The following FAM193A variants were observed in gnomAD, a reference collection of about 807,000 sequenced individuals.
FAM193A encodes family with sequence similarity 193 member A.
FAM193A carries 22 observed loss-of-function variants against 126.5 expected under a neutral mutation model. That is an observed-to-expected ratio of 0.17 (90% CI 0.12 to 0.25). FAM193A has a LOEUF of 0.25. Ranked by LOEUF, FAM193A falls within the 10% of genes least tolerant of loss-of-function variation. FAM193A has a pLI of 1.00. For synonymous variants in FAM193A, 761 were observed against 646.8 expected (o/e 1.18, Z -2.68); for missense variants, 1,675 against 1,672.8 (o/e 1.00, Z -0.02).
At chr4:2,717,955 T>G (rs1719726226) in intron 20 of FAM193A, among the ~76,000 whole-genome samples, 1 of 152,098 alleles carries the variant, frequency 6.6e-6, no homozygotes, top group South Asian at 2.1e-4. Flanking sequence ...ACGCCCAGAC[T>G]GTCAAAATTT....
chr4:2,587,962 G>A (rs1033071332), intron 1 of FAM193A, among the ~76,000 whole-genome samples: 2 of 152,206 alleles, frequency 1.3e-5, no homozygotes, highest in East Asian at 3.9e-4. Flanking sequence ...GGTGGGGTCT[G>A]GTTGTGAAGA....
intron 1 of FAM193A, among the ~76,000 whole-genome samples, chr4:2,575,253 G>A (rs564420415): frequency 1.3e-5 from 2 of 152,308 alleles, no homozygotes; most frequent in African/African-American, 4.8e-5. Context: ...CCAGGTGGCC[G>A]TGGCAGCATG....
intron 1 of FAM193A, among the ~76,000 whole-genome samples, chr4:2,541,872 C>A (rs1737254487): frequency 6.6e-6 from 1 of 151,992 alleles, no homozygotes. Flanking sequence ...GCTCTGTCGC[C>A]CAGGCTGGAG....
chr4:2,567,814 C>T (rs1428558741), intron 1 of FAM193A, among the ~76,000 whole-genome samples: 1 of 152,168 alleles, frequency 6.6e-6, no homozygotes, highest in East Asian at 1.9e-4. Context: ...CCAGGTGTCC[C>T]TGCCGATGAA....
intron 12 of FAM193A, among the ~76,000 whole-genome samples, chr4:2,671,744 G>A (rs61791163): frequency 2.6e-5 from 4 of 152,210 alleles, no homozygotes; most frequent in African/African-American, 4.8e-5. Flanking sequence ...ATCCATGTGT[G>A]ACTACTTAGA....
At position 2,663,200 on chromosome 4, in the gene FAM193A, C is replaced by A. The variant is rs200929388; in HGVS notation, c.1991C>A (p.Pro664Gln). 1.3e-4 allele frequency: 215 copies of A among 1,614,122 alleles called. 1 individual carries two copies. The South Asian group carries it at 1.6e-3, about 12-fold the overall frequency. The change falls in exon 12 of 21, where the codon CCG (proline) becomes CAG (glutamine). Residue 664 changes from proline (P) to glutamine (Q), a missense_variant. Physicochemically the swap from Pro to Gln is moderately conservative, Grantham distance 76 (BLOSUM62 -1). Coordinates refer to ENST00000637812, the MANE Select transcript of FAM193A (RefSeq NM_001366318.2). Reference sequence around the variant, plus strand: ...AGTAGTGGGGAGCCCCCAGGGGCCCCGAAGGAAGATGGAGTGCTGGGAAGC... The same window carrying A: ...AGTAGTGGGGAGCCCCCAGGGGCCCAGAAGGAAGATGGAGTGCTGGGAAGC... Reference protein sequence around the residue: ...GESSGEPPGAPKEDGVLGSRS... With the variant: ...GESSGEPPGAQKEDGVLGSRS...
At chr4:2,645,617 C>G (rs749206710) in intron 6 of FAM193A, among the ~76,000 whole-genome samples, 6 of 152,064 alleles carry the variant, frequency 3.9e-5, no homozygotes, top group African/African-American at 1.4e-4. Flanking sequence ...ACCTCTGCCT[C>G]CCAGGTTCAA....
At chr4:2,608,061 T>C in intron 2 of FAM193A, 1 of 1,610,026 alleles carries the variant, frequency 6.2e-7, no homozygotes, top group South Asian at 1.1e-5. Flanking sequence ...AATTGCAGAG[T>C]GTAAGGTGAA....
Position 2,579,637 on chromosome 4 carries a change from G to A in FAM193A, c.256-16447G>A, listed in dbSNP as rs570828661. ...TTGCTTAAGCTTGGGGAGTTGCAGC[G>A]GCAGAGACCAGTGATCATGCCACTG... On this transcript the variant is annotated intron_variant, in intron 1 of 20. Transcript: ENST00000637812. Among the ~76,000 whole-genome samples the A allele has an allele frequency of 7.9e-5, 12 of 152,146 alleles. No homozygotes were observed. The South Asian group carries it at 1.0e-3, about 13-fold the overall frequency.
chr4:2,685,805 T>A (rs910879673), intron 13 of FAM193A, among the ~76,000 whole-genome samples: 1 of 152,244 alleles, frequency 6.6e-6, no homozygotes, highest in African/African-American at 2.4e-5. Context: ...AGCTCCTGGA[T>A]AAACTCAGTG....
At chr4:2,605,970 C>CAAAAAAA (rs1160026686) in intron 2 of FAM193A, among the ~76,000 whole-genome samples, 9 of 31,896 alleles carry the variant, frequency 2.8e-4, no homozygotes, top group African/African-American at 4.3e-4. Flanking sequence ...GACTCTGTCT[C>CAAAAAAA]AAAAAAAAAA....
intron 13 of FAM193A, among the ~76,000 whole-genome samples, chr4:2,686,799 G>A (rs1715790454): frequency 6.6e-6 from 1 of 152,174 alleles, no homozygotes; most frequent in Non-Finnish European, 1.5e-5. Context: ...CTAGCAGTTT[G>A]GCATCTGTCA....
At position 2,670,104 on chromosome 4, in the gene FAM193A, C is replaced by T. The variant is rs564861008; in HGVS notation, c.2080-2017C>T. 1.6e-4 allele frequency among the ~76,000 whole-genome samples: 25 copies of T among 152,250 alleles called. No homozygotes were observed. The South Asian group carries it at 5.0e-3, about 30-fold the overall frequency. On this transcript the variant is annotated intron_variant, in intron 12 of 20. Transcript: ENST00000637812. The stretch of plus-strand genomic sequence containing the variant: ...GAGTGCTGGCTGCTCTCCCACAGGC[C>T]TCTGAGCGTCTGCATACTTTCCCCT...
intron 19 of FAM193A, among the ~76,000 whole-genome samples, chr4:2,710,161 G>GTTTTTTTTTTTTTTTCTTTT (rs1353124868): frequency 1.1e-5 from 1 of 91,822 alleles, no homozygotes; most frequent in Non-Finnish European, 2.1e-5. Context: ...TTCTTCTTTT[G>GTTTTTTTTTTTTTTTCTTTT]TTTTTTTTTT....
intron 19 of FAM193A, among the ~76,000 whole-genome samples, chr4:2,710,236 G>A (rs1346880345): frequency 7.4e-6 from 1 of 135,076 alleles, no homozygotes. Flanking sequence ...GTGCAGTGGC[G>A]TGTTCTCGGC....
intron 20 of FAM193A, among the ~76,000 whole-genome samples, chr4:2,721,171 G>C (rs1159947920): frequency 6.6e-6 from 1 of 152,086 alleles, no homozygotes; most frequent in Non-Finnish European, 1.5e-5. Context: ...AAATTAGCCA[G>C]GCGTGGTGGC....
intron 19 of FAM193A, among the ~76,000 whole-genome samples, chr4:2,710,235 C>T (rs1245574516): frequency 9.1e-5 from 12 of 131,788 alleles, no homozygotes; most frequent in East Asian, 4.6e-4. Flanking sequence ...CGTGCAGTGG[C>T]GTGTTCTCGG....
rs1177848537 is a variant in FAM193A at position 2,689,716 on chromosome 4, G to A, written c.2530+12G>A. Reference sequence around the variant, plus strand: ...AGATACAATTTCTGGTAAGGAATTTGTTAAAACTTTCTTGAAGTTTTAAAA... The same window carrying A: ...AGATACAATTTCTGGTAAGGAATTTATTAAAACTTTCTTGAAGTTTTAAAA... On this transcript the variant is annotated intron_variant, in intron 14 of 20. Coordinates refer to ENST00000637812, the MANE Select transcript of FAM193A (RefSeq NM_001366318.2). 1 of 1,557,860 alleles carries A rather than the reference G, an allele frequency of 6.4e-7. No individual in the cohort carries two copies. Among genetic ancestry groups the A allele is most frequent in the Non-Finnish European group, 8.7e-7 (1 of 1,155,824 alleles).
At chr4:2,694,599 T>C (rs550605752) in intron 16 of FAM193A, among the ~76,000 whole-genome samples, 2 of 152,288 alleles carry the variant, frequency 1.3e-5, no homozygotes, top group South Asian at 4.1e-4. Context: ...TCTGTTACCT[T>C]TGAACTCGCC....
Sources: gnomAD v4.1 joint callset for allele counts (sites outside exome capture counted in the v4.1 genomes callset) on GRCh38, gnomAD v4.1.1 for gene constraint, MANE v1.5 for transcripts, NCBI Gene and HGNC (gene_info 2026-07-23, HGNC 2026-07-21) for gene names.